Variants in TPI1 observed in about 807,000 individuals in gnomAD.
TPI1 encodes the protein triosephosphate isomerase.
A neutral mutation model predicts 31.0 loss-of-function variants in TPI1; 11 were observed. That is an observed-to-expected ratio of 0.36 (90% CI 0.22 to 0.59). The LOEUF is 0.59. Among genes scored for constraint, TPI1 ranks in the 20% least tolerant of loss-of-function variants. TPI1 has a pLI of 0.79. For missense variants in TPI1, 245 were observed against 319.7 expected (o/e 0.77, Z 1.78); for synonymous variants, 121 against 122.8 (o/e 0.99, Z 0.10).
At chr12:6,870,021 T>G (rs782476724) in intron 5 of TPI1, 28 bp from the exon 6 acceptor site, 1 of 1,613,318 alleles carries the variant, frequency 6.2e-7, no homozygotes, top group East Asian at 2.2e-5. Context: ...GCAGAAAAGG[T>G]CTTACTTAGG....
chr12:6,868,277 T>C (rs1555131853), intron 1 of TPI1: 1 of 1,287,542 alleles, frequency 7.8e-7, no homozygotes, highest in Admixed American at 2.3e-5. Flanking sequence ...TCCTACCGCT[T>C]TCCCCAACCT....
Position 6,870,602 on chromosome 12 carries a change from C to T in TPI1, c.*219C>T, listed in dbSNP as rs376899563. ...ACTTACTATAATGGTTGGAACTAAA[C>T]GTCACCAAGGTGGCTTCTCCTTGGC... On this transcript the variant is annotated 3_prime_UTR_variant, in exon 7 of 7. Coordinates refer to ENST00000396705, the MANE Select transcript of TPI1 (RefSeq NM_000365.6). 1.1e-3 allele frequency: 791 copies of T among 717,866 alleles called. 3 individuals are homozygous for T. The highest frequency in any genetic ancestry group is 1.2e-3 in the Non-Finnish European group (470 of 386,766). The allele number at this position is 717,866 out of a possible 1,614,324, so 44.5% of individuals were successfully genotyped here. A position where few individuals can be genotyped will look rare whatever the true frequency, so the allele number is the denominator to read the frequency against.
chr12:6,867,450 C>G, upstream of TPI1: 1 of 1,503,532 alleles, frequency 6.7e-7, no homozygotes, highest in African/African-American at 1.4e-5. Flanking sequence ...GGGGACTGGG[C>G]GGGCCATGGC....
At position 6,869,299 on chromosome 12, in the gene TPI1, C is replaced by G; in HGVS notation, c.366C>G (p.Leu122=). 6.2e-7 allele frequency: 1 copy of G among 1,613,980 alleles called. No homozygotes were observed. Among genetic ancestry groups the G allele is most frequent in the Non-Finnish European group, 8.5e-7 (1 of 1,179,926 alleles). The part of the protein sequence containing the change: ...QKVAHALAEG[L]GVIACIGEKL... Reference sequence around the variant, plus strand: ...TGGCCCATGCTCTGGCAGAGGGACTCGGAGTAATCGCCTGCATTGGGGAGA... The same window carrying G: ...TGGCCCATGCTCTGGCAGAGGGACTGGGAGTAATCGCCTGCATTGGGGAGA... Residue 122 remains leucine (L), a synonymous_variant, in exon 4 of 7, where the codon CTC becomes CTG. Coordinates refer to ENST00000396705, the MANE Select transcript of TPI1 (RefSeq NM_000365.6).
In TPI1 at chr12:6,869,789, A is replaced by G; in HGVS notation, c.543+16A>G. ...ACCCCAACAGGTAACCGGGCCCAGG[A>G]GCCCTGCCCTCATCCCAGCCTGCCT... On this transcript the variant is annotated intron_variant, in intron 5 of 6. Coordinates refer to ENST00000396705, the MANE Select transcript of TPI1 (RefSeq NM_000365.6). 1 of 1,613,962 alleles carries G rather than the reference A, an allele frequency of 6.2e-7. No homozygotes were observed. The highest frequency in any genetic ancestry group is 1.3e-5 in the African/African-American group (1 of 75,052).
Sources: allele counts gnomAD v4.1 joint callset, GRCh38; gene constraint gnomAD v4.1.1; transcripts MANE v1.5; gene names NCBI Gene and HGNC (gene_info 2026-07-23, HGNC 2026-07-21).